The following KCNIP4 variants were observed in gnomAD, a reference collection of about 807,000 sequenced individuals.
The protein encoded by KCNIP4 is Kv channel-interacting protein 4.
KCNIP4 carries 12 observed loss-of-function variants against 34.0 expected under a neutral mutation model. The observed-to-expected ratio is 0.35, with a 90% CI of 0.23 to 0.57. The LOEUF is 0.57. KCNIP4 is among the 20% of genes least tolerant of loss of function. The pLI, the probability that KCNIP4 is intolerant of heterozygous loss-of-function variation, is 0.83. For synonymous variants in KCNIP4, 124 were observed against 102.2 expected (o/e 1.21, Z -1.29); for missense variants, 238 against 311.7 (o/e 0.76, Z 1.78).
At chr4:21,688,425 G>T (rs1042214901) in intron 1 of KCNIP4, among the ~76,000 whole-genome samples, 1 of 152,064 alleles carries the variant, frequency 6.6e-6, no homozygotes, top group Admixed American at 6.5e-5. Flanking sequence ...ACTGAACCAG[G>T]TTTTCTGTCT....
chr4:20,774,790 T>C (rs1756233133), intron 3 of KCNIP4, among the ~76,000 whole-genome samples: 1 of 152,196 alleles, frequency 6.6e-6, no homozygotes, highest in Non-Finnish European at 1.5e-5. Context: ...ATGTGATCAA[T>C]GACTAAAGAG....
intron 1 of KCNIP4, among the ~76,000 whole-genome samples, chr4:21,345,789 A>G (rs1184810060): frequency 6.6e-6 from 1 of 152,022 alleles, no homozygotes; most frequent in Non-Finnish European, 1.5e-5. Context: ...CATCTCCTTA[A>G]AAATATGAAA....
intron 1 of KCNIP4, among the ~76,000 whole-genome samples, chr4:20,937,222 C>CTTTTTTTTTTTTTTTTTTTTTTTTTTTTT (rs397992488): frequency 2.2e-5 from 1 of 45,530 alleles, no homozygotes; most frequent in African/African-American, 8.4e-5. Flanking sequence ...CCCAAGGAGT[C>CTTTTTTTTTTTTTTTTTTTTTTTTTTTTT]TTTTTTTTTT....
chr4:21,704,085 C>G (rs903675926), intron 1 of KCNIP4, among the ~76,000 whole-genome samples: 2 of 152,154 alleles, frequency 1.3e-5, no homozygotes, highest in African/African-American at 4.8e-5. Flanking sequence ...AGAGGAAAGA[C>G]AGCCTTTCAA....
chr4:21,431,346 T>TG (rs1244485599), intron 1 of KCNIP4, among the ~76,000 whole-genome samples: 3 of 151,996 alleles, frequency 2.0e-5, no homozygotes, highest in African/African-American at 7.2e-5. Context: ...AAGTGAAATA[T>TG]GGAACAAATC....
intron 1 of KCNIP4, among the ~76,000 whole-genome samples, chr4:21,183,016 C>T (rs1754956536): frequency 6.6e-6 from 1 of 152,096 alleles, no homozygotes; most frequent in Admixed American, 6.6e-5. Flanking sequence ...ACCACCACTC[C>T]CAGCTCCAGA....
intron 1 of KCNIP4, among the ~76,000 whole-genome samples, chr4:21,091,174 A>G (rs1746963780): frequency 6.6e-6 from 1 of 152,200 alleles, no homozygotes; most frequent in Non-Finnish European, 1.5e-5. Flanking sequence ...CCCTGAATTC[A>G]TGTGTCTCTT....
chr4:20,772,334 A>G (rs1330130393), intron 3 of KCNIP4, among the ~76,000 whole-genome samples: 1 of 152,200 alleles, frequency 6.6e-6, no homozygotes, highest in African/African-American at 2.4e-5. Flanking sequence ...GCACTTGACT[A>G]CGCACAGGAG....
At chr4:21,381,586 C>T (rs143834779) in intron 1 of KCNIP4, among the ~76,000 whole-genome samples, 6 of 152,240 alleles carry the variant, frequency 3.9e-5, no homozygotes, top group Admixed American at 1.3e-4. Flanking sequence ...ACTGAGCTGA[C>T]AATTCCTGCA....
chr4:21,379,354 G>T (rs941882748), intron 1 of KCNIP4, among the ~76,000 whole-genome samples: 1 of 152,118 alleles, frequency 6.6e-6, no homozygotes, highest in Non-Finnish European at 1.5e-5. Context: ...CTACCGTTCT[G>T]CATGCTTCCT....
intron 1 of KCNIP4, among the ~76,000 whole-genome samples, chr4:21,828,142 A>T (rs1008957889): frequency 6.6e-6 from 1 of 151,468 alleles, no homozygotes; most frequent in East Asian, 1.9e-4. Context: ...AATATAAATT[A>T]GGAATAAAAG....
At chr4:21,899,238 C>T (rs1727572869) in intron 1 of KCNIP4, among the ~76,000 whole-genome samples, 1 of 152,072 alleles carries the variant, frequency 6.6e-6, no homozygotes, top group South Asian at 2.1e-4. Context: ...ATCAACATCC[C>T]TTCATGATAA....
intron 1 of KCNIP4, among the ~76,000 whole-genome samples, chr4:21,176,761 C>G (rs551325039): frequency 6.6e-6 from 1 of 152,248 alleles, no homozygotes; most frequent in East Asian, 1.9e-4. Context: ...CCTTGGGTGA[C>G]CCACCCACCT....
chr4:20,907,046 T>C (rs1177549853), intron 1 of KCNIP4, among the ~76,000 whole-genome samples: 2 of 152,204 alleles, frequency 1.3e-5, no homozygotes, highest in Non-Finnish European at 2.9e-5. Flanking sequence ...ACACAATACA[T>C]ATTTGGCTTA....
At chr4:21,647,933 G>T (rs1041887015) in intron 1 of KCNIP4, among the ~76,000 whole-genome samples, 2 of 137,340 alleles carry the variant, frequency 1.5e-5, no homozygotes, top group Non-Finnish European at 3.0e-5. Flanking sequence ...GAGTGCAGTG[G>T]CGTGATCTCG....
intron 1 of KCNIP4, among the ~76,000 whole-genome samples, chr4:20,912,782 TG>T (rs1354611279): frequency 1.3e-5 from 2 of 152,194 alleles, no homozygotes; most frequent in African/African-American, 2.4e-5. Flanking sequence ...CCTGTAAGGA[TG>T]CTCAAAATCA....
At chr4:20,896,583 T>C (rs554344925) in intron 1 of KCNIP4, among the ~76,000 whole-genome samples, 1 of 152,104 alleles carries the variant, frequency 6.6e-6, no homozygotes, top group South Asian at 2.1e-4. Flanking sequence ...ATGCCAAGGA[T>C]TTCCCGTAAT....
At chr4:21,033,809 A>C (rs1377328787) in intron 1 of KCNIP4, among the ~76,000 whole-genome samples, 1 of 152,190 alleles carries the variant, frequency 6.6e-6, no homozygotes, top group African/African-American at 2.4e-5. Flanking sequence ...ATGTTGGAAA[A>C]CTATTTCCAG....
At chr4:21,519,840 T>A (rs1003830171) in intron 1 of KCNIP4, among the ~76,000 whole-genome samples, 1 of 144,688 alleles carries the variant, frequency 6.9e-6, no homozygotes, top group Non-Finnish European at 1.5e-5. Context: ...TGTGTATGTG[T>A]GTGTATATAT....
Sources: gnomAD v4.1 joint callset for allele counts (sites outside exome capture counted in the v4.1 genomes callset) on GRCh38, gnomAD v4.1.1 for gene constraint, MANE v1.5 for transcripts, NCBI Gene and HGNC (gene_info 2026-07-23, HGNC 2026-07-21) for gene names.